Variants in LRIG2 observed in about 807,000 individuals in gnomAD.
The protein encoded by LRIG2 is leucine-rich repeats and immunoglobulin-like domains protein 2.
LRIG2 carries 93 observed loss-of-function variants against 107.8 expected under a neutral mutation model. That is an observed-to-expected ratio of 0.86 (90% CI 0.73 to 1.03). LRIG2 has a LOEUF of 1.03. LRIG2 is among the 50% of genes least tolerant of loss of function. The pLI is 0.00. For synonymous variants in LRIG2, 471 were observed against 470.6 expected (o/e 1.00, Z -0.01); for missense variants, 1,226 against 1,296.0 (o/e 0.95, Z 0.83).
chr1:113,118,216 G>C (rs558049845), intron 16 of LRIG2, among the ~76,000 whole-genome samples: 1 of 152,240 alleles, frequency 6.6e-6, no homozygotes, highest in Non-Finnish European at 1.5e-5. Flanking sequence ...ACTGCTCCTG[G>C]CCTGTTGCAT....
intron 6 of LRIG2, 24 bp downstream of exon 6, chr1:113,094,779 A>G (rs1323098174): frequency 6.2e-7 from 1 of 1,601,306 alleles, no homozygotes; most frequent in Admixed American, 1.7e-5. Flanking sequence ...ACTAGAGGTG[A>G]TTATTAGGAA....
At chr1:113,094,249 G>A in intron 4 of LRIG2, 90 bp from the exon 5 acceptor site, 1 of 845,746 alleles carries the variant, frequency 1.2e-6, no homozygotes, top group Middle Eastern at 3.5e-4. Context: ...ATAGAGCTGG[G>A]GGCTTAGACA....
chr1:113,095,456 T>G (rs1344218057), intron 6 of LRIG2, among the ~76,000 whole-genome samples: 1 of 152,028 alleles, frequency 6.6e-6, no homozygotes, highest in Non-Finnish European at 1.5e-5. Context: ...GTTGCCAGGC[T>G]GGAGTGCAGT....
In LRIG2 at chr1:113,077,522, A is replaced by G. The variant is rs1048073875; in HGVS notation, c.239+3877A>G. ...AATTTATTGAATTATATATATACTT[A>G]GTTACCTATAGTTTTTTAGTTCTTT... On this transcript the variant is annotated intron_variant, in intron 1 of 17. Transcript: ENST00000361127. Among the ~76,000 whole-genome samples the G allele has an allele frequency of 1.8e-4, 28 of 152,276 alleles. 1 individual carries two copies. Among genetic ancestry groups the G allele is most frequent in the Admixed American group, 1.2e-3 (19 of 15,298 alleles).
intron 13 of LRIG2, 122 bp downstream of exon 13, chr1:113,110,684 TTTGAG>T: frequency 1.3e-6 from 1 of 754,914 alleles, no homozygotes; most frequent in Non-Finnish European, 2.1e-6. Context: ...GTTATTGTCT[TTTGAG>T]TTGTGATAAC....
chr1:113,091,943 G>A (rs947487092), intron 2 of LRIG2, among the ~76,000 whole-genome samples: 6 of 152,132 alleles, frequency 3.9e-5, no homozygotes, highest in African/African-American at 7.2e-5. Context: ...AGGCACAACC[G>A]TTAAGGTATA....
At chr1:113,108,082 T>C (rs1450844934) in intron 12 of LRIG2, among the ~76,000 whole-genome samples, 1 of 152,208 alleles carries the variant, frequency 6.6e-6, no homozygotes, top group African/African-American at 2.4e-5. Context: ...ACCAGCAATG[T>C]ATGAATATAC....
At chr1:113,081,711 G>A (rs1207016489) in intron 1 of LRIG2, among the ~76,000 whole-genome samples, 2 of 151,956 alleles carry the variant, frequency 1.3e-5, no homozygotes, top group Non-Finnish European at 2.9e-5. Context: ...AGTAGAGATG[G>A]GGTTTTACCA....
chr1:113,091,924 C>T (rs1348516953), intron 2 of LRIG2, among the ~76,000 whole-genome samples: 2 of 152,164 alleles, frequency 1.3e-5, no homozygotes, highest in Non-Finnish European at 2.9e-5. Context: ...TGCATTGTTA[C>T]ATTCCTAGAG....
chr1:113,089,379 C>T (rs1159182433), intron 1 of LRIG2, among the ~76,000 whole-genome samples: 1 of 152,160 alleles, frequency 6.6e-6, no homozygotes, highest in Non-Finnish European at 1.5e-5. Flanking sequence ...AGTGAAATCT[C>T]TACTGTATCT....
chr1:113,098,205 G>A (rs1321626561), intron 8 of LRIG2, among the ~76,000 whole-genome samples: 1 of 152,116 alleles, frequency 6.6e-6, no homozygotes, highest in Non-Finnish European at 1.5e-5. Context: ...TGCTTCCCAT[G>A]GGGCATCTTT....
In LRIG2 at chr1:113,073,447, T is replaced by G. The variant is rs868100238; in HGVS notation, c.41T>G (p.Leu14Arg). Residue 14 changes from leucine (L) to arginine (R), a missense_variant, in exon 1 of 18, where the codon CTG (leucine) becomes CGG (arginine). Leu to Arg is a moderately radical substitution (Grantham distance 102). This residue lies in a region of LRIG2 where 570 missense variants were observed against 550.2 expected (regional missense o/e 1.04). Transcript: ENST00000361127. ...APLGVPEEQL[L>R]GCRSRVLSRL... ...CTAGGCGTCCCGGAGGAGCAGTTGC[T>G]GGGGTGTCGATCTAGAGTGCTTTCT... is the stretch of plus-strand genomic sequence containing the variant. 1.2e-6 allele frequency: 2 copies of G among 1,614,106 alleles called. No homozygotes were observed. Among genetic ancestry groups the G allele is most frequent in the Non-Finnish European group, 1.7e-6 (2 of 1,179,986 alleles).
At chr1:113,117,028 T>C (rs1163939496) in intron 16 of LRIG2, among the ~76,000 whole-genome samples, 2 of 152,190 alleles carry the variant, frequency 1.3e-5, no homozygotes, top group African/African-American at 2.4e-5. Flanking sequence ...TCTCAGCATA[T>C]ACTGGAGAAC....
intron 17 of LRIG2, among the ~76,000 whole-genome samples, chr1:113,119,810 C>CTATT (rs141140694): frequency 1.3e-5 from 2 of 151,970 alleles, no homozygotes; most frequent in Non-Finnish European, 1.5e-5. Flanking sequence ...TTCATACAGG[C>CTATT]TATTTATTTA....
chr1:113,097,472 A>G (rs1012196711), intron 8 of LRIG2, among the ~76,000 whole-genome samples: 3 of 152,166 alleles, frequency 2.0e-5, no homozygotes, highest in African/African-American at 4.8e-5. Flanking sequence ...TTGATTTTTT[A>G]AAAAATTCCT....
chr1:113,075,321 G>T (rs535124347), intron 1 of LRIG2, among the ~76,000 whole-genome samples: 1 of 152,318 alleles, frequency 6.6e-6, no homozygotes, highest in East Asian at 1.9e-4. Flanking sequence ...GTGTTGCGGA[G>T]TTTAAGAAGT....
rs760433791 is a variant in LRIG2 at position 113,114,452 on chromosome 1, G to A, written c.2106G>A (p.Leu702=). The stretch of plus-strand genomic sequence containing the variant: ...AGACACCCTCATTTATTAGACCCCT[G>A]GAGGATAAGACAGTAACACGAGGTG... The part of the protein sequence containing the change: ...VLETPSFIRP[L]EDKTVTRGET... Residue 702 remains leucine (L), a synonymous_variant, in exon 15 of 18, where the codon CTG becomes CTA. Transcript: ENST00000361127. 9 of 1,609,222 alleles carry A rather than the reference G, an allele frequency of 5.6e-6. No homozygotes were observed. Among genetic ancestry groups the A allele is most frequent in the Non-Finnish European group, 6.8e-6 (8 of 1,177,622 alleles).
chr1:113,107,142 C>T (rs1654574616), intron 11 of LRIG2, among the ~76,000 whole-genome samples: 1 of 151,986 alleles, frequency 6.6e-6, no homozygotes, highest in Non-Finnish European at 1.5e-5. Flanking sequence ...CATGGTGACA[C>T]TTCACCTCTA....
In LRIG2 at chr1:113,114,543, G is replaced by A; in HGVS notation, c.2197G>A (p.Asp733Asn). The A allele has an allele frequency of 1.9e-6, 3 of 1,614,102 alleles. No individual in the cohort carries two copies. Among genetic ancestry groups the A allele is most frequent in the Non-Finnish European group, 2.5e-6 (3 of 1,180,018 alleles). ...CCCTCGTCTCAACTGGACTAAAGAT[G>A]ATGGGCCTTTGCTGGTGACAGAACG... ...PAPRLNWTKDDGPLLVTERHF... is the reference protein window; with the variant it reads ...PAPRLNWTKDNGPLLVTERHF... The change falls in exon 15 of 18, where the codon GAT (aspartate) becomes AAT (asparagine). Residue 733 changes from aspartate (D) to asparagine (N), a missense_variant. By Grantham distance (23) the Asp-to-Asn change is conservative. Transcript: ENST00000361127.
Sources: allele counts gnomAD v4.1 joint callset (sites outside exome capture counted in the v4.1 genomes callset), GRCh38; gene constraint gnomAD v4.1.1; regional missense constraint gnomAD v4.1.1; transcripts MANE v1.5; gene names NCBI Gene and HGNC (gene_info 2026-07-23, HGNC 2026-07-21).